The following DENND4C variants were observed in gnomAD, a reference collection of about 807,000 sequenced individuals.
The protein encoded by DENND4C is DENN domain-containing protein 4C.
In DENND4C, 108 loss-of-function variants were observed where a neutral mutation model predicts 203.0. The observed-to-expected ratio is 0.53, with a 90% CI of 0.46 to 0.62. The LOEUF (loss-of-function observed/expected upper bound fraction) is 0.62. Among genes scored for constraint, DENND4C ranks in the 20% least tolerant of loss-of-function variants. The pLI is 0.00. For missense variants in DENND4C, 2,481 were observed against 2,301.2 expected, an observed-to-expected ratio of 1.08 and a Z score of -1.60; for synonymous variants, 871 against 792.4, an observed-to-expected ratio of 1.10 and a Z score of -1.67.
At chr9:19,253,605 A>G (rs1827197112) in intron 1 of DENND4C, among the ~76,000 whole-genome samples, 1 of 152,258 alleles carries the variant, frequency 6.6e-6, no homozygotes, top group Non-Finnish European at 1.5e-5. Context: ...GTGGTTTAAC[A>G]AAGTTCATCA....
At chr9:19,361,813 G>C (rs368780124) in intron 29 of DENND4C, 33 bp from the exon 30 acceptor site, 4 of 1,280,734 alleles carry the variant, frequency 3.1e-6, no homozygotes, top group Non-Finnish European at 4.5e-6. Flanking sequence ...TGTTATTCTC[G>C]GGATACTAAT....
At chr9:19,293,681 G>A (rs1307730315) in intron 5 of DENND4C, among the ~76,000 whole-genome samples, 1 of 152,180 alleles carries the variant, frequency 6.6e-6, no homozygotes, top group Non-Finnish European at 1.5e-5. Context: ...ATACATAAAA[G>A]CACAAAATTA....
At chr9:19,291,030 GA>G (rs1434459291) in intron 5 of DENND4C, among the ~76,000 whole-genome samples, 154 bp downstream of exon 5, 22 of 152,178 alleles carry the variant, frequency 1.4e-4, no homozygotes, top group Admixed American at 1.4e-3. Flanking sequence ...AAATCAACAT[GA>G]AAATTGCTAT....
At chr9:19,328,846 C>G in intron 16 of DENND4C, among the ~76,000 whole-genome samples, 1 of 150,326 alleles carries the variant, frequency 6.7e-6, no homozygotes, top group East Asian at 2.0e-4. Flanking sequence ...GTCAGGAGTT[C>G]GAGACCAGCC....
intron 24 of DENND4C, 76 bp downstream of exon 24, chr9:19,350,955 G>T: frequency 7.0e-7 from 1 of 1,423,822 alleles, no homozygotes; most frequent in Non-Finnish European, 9.5e-7. Context: ...AAGAGACGGG[G>T]TTTTGTCTTG....
At chr9:19,336,234 T>C (rs374587596) in intron 18 of DENND4C, 36 bp from the exon 19 acceptor site, 7 of 1,594,900 alleles carry the variant, frequency 4.4e-6, no homozygotes, top group African/African-American at 1.3e-5. Context: ...CAGATATTGC[T>C]AATGAACATT....
intron 23 of DENND4C, among the ~76,000 whole-genome samples, chr9:19,348,946 T>G (rs1436424500): frequency 6.6e-6 from 1 of 152,228 alleles, no homozygotes; most frequent in East Asian, 1.9e-4. Flanking sequence ...TTGCTAGGAC[T>G]CCAGGCGTGC....
intron 2 of DENND4C, among the ~76,000 whole-genome samples, chr9:19,285,746 G>A (rs1835077792): frequency 1.3e-5 from 2 of 151,920 alleles, no homozygotes; most frequent in Admixed American, 6.6e-5. Flanking sequence ...AGTAGTATAA[G>A]GAAGGGGTCC....
chr9:19,325,471 C>G (rs1588923330), intron 13 of DENND4C, among the ~76,000 whole-genome samples: 2 of 151,954 alleles, frequency 1.3e-5, no homozygotes, highest in South Asian at 4.2e-4. Flanking sequence ...ATTTTTATGG[C>G]CCCCTCATGA....
chr9:19,367,275 G>A (rs1588997726), intron 30 of DENND4C, among the ~76,000 whole-genome samples: 1 of 152,214 alleles, frequency 6.6e-6, no homozygotes, highest in East Asian at 1.9e-4. Context: ...TTGGAAAACA[G>A]TTTCACAGCT....
intron 1 of DENND4C, among the ~76,000 whole-genome samples, chr9:19,273,277 G>T (rs1246926283): frequency 6.6e-6 from 1 of 151,728 alleles, no homozygotes; most frequent in Non-Finnish European, 1.5e-5. Flanking sequence ...GTAGAGATGG[G>T]GTTTCACCAT....
At chr9:19,295,773 C>T (rs1837345377) in intron 5 of DENND4C, among the ~76,000 whole-genome samples, 1 of 151,802 alleles carries the variant, frequency 6.6e-6, no homozygotes, top group Admixed American at 6.6e-5. Context: ...GGTTACCATC[C>T]ATTTTTGTAT....
At chr9:19,296,642 CA>C in intron 6 of DENND4C, among the ~76,000 whole-genome samples, 1 of 152,284 alleles carries the variant, frequency 6.6e-6, no homozygotes, top group South Asian at 2.1e-4. Flanking sequence ...CATGAGCCAC[CA>C]ACTTTTTACT....
chr9:19,271,958 A>G (rs902357309), intron 1 of DENND4C, among the ~76,000 whole-genome samples: 4 of 152,158 alleles, frequency 2.6e-5, no homozygotes, highest in African/African-American at 7.2e-5. Flanking sequence ...TTATAAAGCT[A>G]CAGTAATCAG....
chr9:19,325,392 G>T (rs1426338291), intron 13 of DENND4C, among the ~76,000 whole-genome samples: 1 of 151,954 alleles, frequency 6.6e-6, no homozygotes, highest in East Asian at 1.9e-4. Context: ...GGGGCCAATT[G>T]TTTATGCAAA....
rs559010419 is a variant in DENND4C at position 19,335,650 on chromosome 9, C to T, written c.2589+545C>T. 1.2e-4 allele frequency among the ~76,000 whole-genome samples: 18 copies of T among 152,114 alleles called. No individual in the cohort carries two copies. In the South Asian group the frequency reaches 3.7e-3, roughly 32 times the overall value. On this transcript the variant is annotated intron_variant, in intron 18 of 32. Coordinates refer to ENST00000434457, the MANE Select transcript of DENND4C (RefSeq NM_001330640.2). ...GGCTTATTTCACTTACCATAATGTCCTCTGGGTTCATTCATATTGTCACAA... is the reference window on the plus strand; with the variant it reads ...GGCTTATTTCACTTACCATAATGTCTTCTGGGTTCATTCATATTGTCACAA...
chr9:19,350,815 G>C lies in DENND4C; in HGVS notation c.4431G>C (p.Gln1477His), dbSNP rs1823947600. Residue 1477 changes from glutamine (Q) to histidine (H), a missense_variant, in exon 24 of 33, where the codon CAG (glutamine) becomes CAC (histidine). By Grantham distance (24) the Gln-to-His change is conservative. Transcript: ENST00000434457. ...GGTTGGTCCCCAGTGAACTTACCCA[G>C]AGCAACACAAGTCTTGGCAGTAGCA... ...ISGLVPSELT[Q>H]SNTSLGSSSS... The C allele has an allele frequency of 6.2e-7, 1 of 1,614,072 alleles. No individual in the cohort carries two copies. Among genetic ancestry groups the C allele is most frequent in the Non-Finnish European group, 8.5e-7 (1 of 1,180,012 alleles).
At chr9:19,298,261 C>T (rs16937435) in intron 7 of DENND4C, 139 bp downstream of exon 7, 52,056 of 645,760 alleles carry the variant, frequency 0.081, 2,622 homozygotes, top group Middle Eastern at 0.16. Flanking sequence ...TGCTTTGTAG[C>T]TTTACTGAAC....
chr9:19,232,417 C>T (rs1338930385), intron 1 of DENND4C, among the ~76,000 whole-genome samples: 1 of 147,638 alleles, frequency 6.8e-6, no homozygotes, highest in African/African-American at 2.5e-5. Flanking sequence ...TCATATGCGA[C>T]TTGACTTTGG....
Sources: gnomAD v4.1 joint callset for allele counts (sites outside exome capture counted in the v4.1 genomes callset) on GRCh38, gnomAD v4.1.1 for gene constraint, MANE v1.5 for transcripts, NCBI Gene and HGNC (gene_info 2026-07-23, HGNC 2026-07-21) for gene names.